The following GREP1 variants were observed in gnomAD, a reference collection of about 807,000 sequenced individuals.
GREP1 encodes glycine-rich extracellular protein 1.
At chr16:2,994,954 C>T (rs1434699579) in exon 13 of GREP1, 4 of 399,038 alleles carry the variant, frequency 1.0e-5, no homozygotes, top group African/African-American at 6.2e-5. Context: ...GGGCTGGGAG[C>T]CCAGCCAGGT....
chr16:2,992,730 G>A lies in GREP1; in HGVS notation c.323-75G>A. 1 of 398,974 alleles carries A rather than the reference G, an allele frequency of 2.5e-6. No individual in the cohort carries two copies. Among genetic ancestry groups the A allele is most frequent in the Admixed American group, 4.4e-5 (1 of 22,736 alleles). The allele number at this position is 398,974 out of a possible 1,614,324, so 24.7% of individuals were successfully genotyped here. A position where few individuals can be genotyped will look rare whatever the true frequency, so the allele number is the denominator to read the frequency against. On this transcript the variant is annotated intron_variant, in intron 8 of 34. Transcript: ENST00000573315. This position sits in a 1 kb window ranked among gnomAD's most constrained non-coding sequence, Gnocchi z 4.9. ...GCAGGGGTCACGCGAGACAGAAAGG[G>A]AGAGGGCAGGGCTCCAGGCCCCAGC...
Position 2,989,004 on chromosome 16 carries a change from A to T in GREP1, c.100+382A>T. 1 of 271,532 alleles carries T rather than the reference A, an allele frequency of 3.7e-6. No homozygotes were observed. Among genetic ancestry groups the T allele is most frequent in the East Asian group, 6.2e-5 (1 of 16,118 alleles). The allele number at this position is 271,532 out of a possible 1,614,324, so 16.8% of individuals were successfully genotyped here. On this transcript the variant is annotated intron_variant, in intron 2 of 34. Coordinates refer to ENST00000573315, the Ensembl canonical transcript of GREP1. The surrounding 1 kb of genome is among the most constrained non-coding windows in gnomAD (Gnocchi z 4.2). ...AGTGTCATGGAAGAGTCTTTACTTC[A>T]GGGACCTGGGGGGTCCTAAGGGTAG...
At chr16:2,988,705 C>T (rs757422814) in intron 2 of GREP1, 83 bp downstream of exon 2, 16 of 398,680 alleles carry the variant, frequency 4.0e-5, no homozygotes, top group African/African-American at 2.3e-4. Flanking sequence ...CTGGGACTCC[C>T]GATGCGGGGC....
At chr16:2,996,373 C>G (rs1403439278) in intron 18 of GREP1, 123 bp from the exon 18 acceptor site, 5 of 397,678 alleles carry the variant, frequency 1.3e-5, no homozygotes, top group Non-Finnish European at 1.8e-5. Context: ...TCTCTGTAGG[C>G]CTGGGAGGGG....
chr16:2,992,978 G>A lies in GREP1; in HGVS notation c.385+15G>A, dbSNP rs970234391. 2.5e-6 allele frequency: 1 copy of A among 398,934 alleles called. No individual in the cohort carries two copies. The highest frequency in any genetic ancestry group is 2.1e-5 in the African/African-American group (1 of 48,632). The allele number at this position is 398,934 out of a possible 1,614,324, so 24.7% of individuals were successfully genotyped here. A position where few individuals can be genotyped will look rare whatever the true frequency, so the allele number is the denominator to read the frequency against. On this transcript the variant is annotated intron_variant, in intron 10 of 34. Transcript: ENST00000573315. The surrounding 1 kb of genome is among the most constrained non-coding windows in gnomAD (Gnocchi z 4.9). ...CCAGAAGCCAGGTGAGCCACTCCCT[G>A]TCCCTGTCTCCCTGCCCATTTCCTA...
In GREP1 at chr16:2,992,858, G is replaced by A. The variant is rs757084152; in HGVS notation, c.352+24G>A. The A allele has an allele frequency of 2.3e-5, 9 of 398,990 alleles. No homozygotes were observed. Among genetic ancestry groups the A allele is most frequent in the Non-Finnish European group, 3.5e-5 (8 of 226,106 alleles). 24.7% of individuals were successfully genotyped at this position (398,990 alleles called of 1,614,324 possible). A position where few individuals can be genotyped will look rare whatever the true frequency, so the allele number is the denominator to read the frequency against. ...AGGTAAAGAGGGTGGGGACGGAAGCGGGGAGCCTGGGGCTGAGATTCTGGG... is the reference window on the plus strand; with the variant it reads ...AGGTAAAGAGGGTGGGGACGGAAGCAGGGAGCCTGGGGCTGAGATTCTGGG... On this transcript the variant is annotated intron_variant, in intron 9 of 34. Coordinates refer to ENST00000573315, the Ensembl canonical transcript of GREP1. This position sits in a 1 kb window ranked among gnomAD's most constrained non-coding sequence, Gnocchi z 4.9.
rs148920705 is a variant in GREP1, at chr16:2,991,089, G to A, written c.310G>A (p.Gly104Arg). ...GGGAGCAGCGGCCTTCCCAGTGGCC[G>A]GAGCCCAGTCAGGTGAGGAAACGTC... The change falls in exon 8 of 35, where the codon GGA (glycine) becomes AGA (arginine). Residue 104 changes from glycine to arginine, a missense_variant. Physicochemically the swap from Gly to Arg is moderately radical, Grantham distance 125 (BLOSUM62 -2). Coordinates refer to ENST00000573315, the Ensembl canonical transcript of GREP1. The surrounding 1 kb of genome is among the most constrained non-coding windows in gnomAD (Gnocchi z 4.9). 1.4e-3 allele frequency: 572 copies of A among 399,232 alleles called. 6 individuals carry two copies. The East Asian group carries it at 0.02, about 14-fold the overall frequency. 24.7% of individuals were successfully genotyped at this position (399,232 alleles called of 1,614,324 possible).
At chr16:2,998,565 G>T in intron 25 of GREP1, 42 bp downstream of exon 23, 1 of 399,142 alleles carries the variant, frequency 2.5e-6, no homozygotes, top group Middle Eastern at 6.3e-4. Context: ...AGGAGGAAGG[G>T]AGAGGGAGGC....
At chr16:3,001,201 C>T (rs1056539270) in intron 33 of GREP1, 80 bp from the exon 28 acceptor site, 2 of 399,198 alleles carry the variant, frequency 5.0e-6, no homozygotes. Flanking sequence ...GGGGTGTCTC[C>T]CACAGCCTGG....
In GREP1 at chr16:2,991,930, TCTGGGGGCTC is replaced by T. The variant is rs1236676004; in HGVS notation, c.322+831_322+840del. Reference sequence around the variant, plus strand: ...GTGTTGCGGAGGGCCTGGGCTTGGGTCTGGGGGCTCCAGGGAGCTGCAGCCTCCTTTACCT... The same window carrying T: ...GTGTTGCGGAGGGCCTGGGCTTGGGTCAGGGAGCTGCAGCCTCCTTTACCT... On this transcript the variant is annotated intron_variant, in intron 8 of 34. Coordinates refer to ENST00000573315, the Ensembl canonical transcript of GREP1. This position sits in a 1 kb window ranked among gnomAD's most constrained non-coding sequence, Gnocchi z 4.9. 1 of 152,464 alleles carries T rather than the reference TCTGGGGGCTC, an allele frequency of 6.6e-6. No homozygotes were observed. Among genetic ancestry groups the T allele is most frequent in the Admixed American group, 6.5e-5 (1 of 15,278 alleles). 9.4% of individuals were successfully genotyped at this position (152,464 alleles called of 1,614,324 possible).
intron 1 of GREP1, 82 bp from the exon 2 acceptor site, chr16:2,988,507 GC>G (rs145004047): frequency 0.052 from 20,749 of 399,242 alleles, 655 homozygotes; most frequent in Middle Eastern, 0.077. Flanking sequence ...GTTTTTGGGG[GC>G]TGGAGGATAG....
intron 10 of GREP1, chr16:2,993,855 G>A (rs187231624): frequency 1.3e-5 from 2 of 152,268 alleles, no homozygotes; most frequent in Non-Finnish European, 2.9e-5. Flanking sequence ...AGCTACTCGG[G>A]AGGCTGAGGC....
At chr16:3,001,078 G>A (rs1436486930) in intron 33 of GREP1, among the ~76,000 whole-genome samples, 1 of 152,100 alleles carries the variant, frequency 6.6e-6, no homozygotes, top group Non-Finnish European at 1.5e-5. Context: ...AGAAGGGGAG[G>A]TGATGGAGTT....
Position 2,992,718 on chromosome 16 carries a change from G to A in GREP1, c.323-87G>A, listed in dbSNP as rs909005129. Reference sequence around the variant, plus strand: ...GAAAGGCAGAGGGCAGGGGTCACGCGAGACAGAAAGGGAGAGGGCAGGGCT... The same window carrying A: ...GAAAGGCAGAGGGCAGGGGTCACGCAAGACAGAAAGGGAGAGGGCAGGGCT... On this transcript the variant is annotated intron_variant, in intron 8 of 34. Coordinates refer to ENST00000573315, the Ensembl canonical transcript of GREP1. This position sits in a 1 kb window ranked among gnomAD's most constrained non-coding sequence, Gnocchi z 4.9. The A allele has an allele frequency of 2.3e-5, 9 of 398,152 alleles. No homozygotes were observed. The highest frequency in any genetic ancestry group is 2.1e-4 in the East Asian group (6 of 28,020). 24.7% of individuals were successfully genotyped at this position (398,152 alleles called of 1,614,324 possible). A position where few individuals can be genotyped will look rare whatever the true frequency, so the allele number is the denominator to read the frequency against.
chr16:2,994,834 G>A, exon 12 of GREP1: 1 of 399,216 alleles, frequency 2.5e-6, no homozygotes, highest in Non-Finnish European at 4.4e-6. Context: ...AACCCCAGAA[G>A]CCAGGTGAGC....
At chr16:3,001,782 C>T in exon 35 of GREP1, 2 of 396,874 alleles carry the variant, frequency 5.0e-6, no homozygotes, top group Non-Finnish European at 8.9e-6. Flanking sequence ...GCACCTCATT[C>T]ATTCATTTGG....
chr16:2,997,384 C>G, intron 21 of GREP1: 1 of 398,696 alleles, frequency 2.5e-6, no homozygotes, highest in Non-Finnish European at 4.4e-6. Context: ...CCTCCCTCCC[C>G]ACAGGCCCCT....
At chr16:3,000,160 G>A in intron 29 of GREP1, 42 bp downstream of exon 26, 1 of 399,168 alleles carries the variant, frequency 2.5e-6, no homozygotes, top group Non-Finnish European at 4.4e-6. Context: ...AGCGGAAGCT[G>A]GCATCTCCCT....
At chr16:3,000,943 C>T (rs1484476734) in intron 33 of GREP1, 116 bp downstream of exon 27, 4 of 397,248 alleles carry the variant, frequency 1.0e-5, no homozygotes, top group Non-Finnish European at 1.8e-5. Flanking sequence ...GCCCTCTTGG[C>T]GGAGGGGATG....
Sources: gnomAD v4.1 joint callset for allele counts (sites outside exome capture counted in the v4.1 genomes callset) on GRCh38, gnomAD v4.1.1 for gene constraint, Gnocchi (gnomAD v3.1) non-coding constraint, MANE v1.5 for transcripts, NCBI Gene and HGNC (gene_info 2026-07-23, HGNC 2026-07-21) for gene names.